RPS6KA2: variants seen among roughly 807,000 people sequenced by gnomAD.
RPS6KA2 encodes the protein ribosomal protein S6 kinase A2, also known as ribosomal protein S6 kinase alpha-2.
RPS6KA2 carries 42 observed loss-of-function variants against 91.8 expected under a neutral mutation model. The ratio of observed to expected loss-of-function variants is 0.46; its 90% CI spans 0.36 to 0.59. The LOEUF is 0.59. RPS6KA2 is among the 20% of genes least tolerant of loss of function. RPS6KA2 has a pLI of 0.00. For synonymous variants in RPS6KA2, 414 were observed against 393.6 expected (o/e 1.05, Z -0.61); for missense variants, 798 against 978.5 (o/e 0.82, Z 2.46).
At chr6:166,824,673 GTC>G (rs1779990915) in intron 2 of RPS6KA2, among the ~76,000 whole-genome samples, 2 of 143,896 alleles carry the variant, frequency 1.4e-5, no homozygotes, top group Non-Finnish European at 3.1e-5. Context: ...CTATGTGTGT[GTC>G]TGTGTGTCTA....
intron 2 of RPS6KA2, among the ~76,000 whole-genome samples, chr6:166,789,321 G>C (rs534643812): frequency 6.6e-6 from 1 of 152,240 alleles, no homozygotes; most frequent in Admixed American, 6.5e-5. Flanking sequence ...AGGGGCGCCC[G>C]CCATTGCCCA....
chr6:166,501,432 G>A (rs1782022470), intron 6 of RPS6KA2, among the ~76,000 whole-genome samples: 1 of 152,200 alleles, frequency 6.6e-6, no homozygotes, highest in Non-Finnish European at 1.5e-5. Flanking sequence ...GCACAAGCGG[G>A]GGCCAAGGCA....
intron 16 of RPS6KA2, among the ~76,000 whole-genome samples, chr6:166,427,453 G>A (rs1583118263): frequency 6.6e-6 from 1 of 151,666 alleles, no homozygotes; most frequent in Non-Finnish European, 1.5e-5. Context: ...TCTGGCCAGG[G>A]CAATTAGGCA....
At chr6:166,580,545 C>T (rs767456394) in intron 1 of RPS6KA2, among the ~76,000 whole-genome samples, 5 of 152,132 alleles carry the variant, frequency 3.3e-5, no homozygotes, top group African/African-American at 1.2e-4. Flanking sequence ...TTGTGTTGGG[C>T]GACATTCAAA....
At chr6:166,796,828 G>A (rs891222960) in intron 2 of RPS6KA2, among the ~76,000 whole-genome samples, 2 of 151,620 alleles carry the variant, frequency 1.3e-5, no homozygotes, top group Non-Finnish European at 2.9e-5. Flanking sequence ...GTGCACGCAC[G>A]TGGCACAGTC....
intron 14 of RPS6KA2, among the ~76,000 whole-genome samples, chr6:166,447,084 T>C (rs1198062797): frequency 6.6e-6 from 1 of 152,152 alleles, no homozygotes; most frequent in Non-Finnish European, 1.5e-5. Context: ...ACTCTCCCAA[T>C]GGGATGGAGG....
At chr6:166,476,178 G>A (rs1780967622) in intron 10 of RPS6KA2, among the ~76,000 whole-genome samples, 3 of 152,338 alleles carry the variant, frequency 2.0e-5, no homozygotes, top group African/African-American at 7.2e-5. Flanking sequence ...GGAGGTCAGG[G>A]TGTGGCATTC....
At chr6:166,766,927 G>A (rs1017447489) in intron 2 of RPS6KA2, among the ~76,000 whole-genome samples, 4 of 152,218 alleles carry the variant, frequency 2.6e-5, no homozygotes, top group Admixed American at 6.5e-5. Context: ...ACCCAGCTGC[G>A]TGGCCCTGTG....
At chr6:166,806,348 A>T (rs1483473254) in intron 2 of RPS6KA2, among the ~76,000 whole-genome samples, 1 of 152,242 alleles carries the variant, frequency 6.6e-6, no homozygotes, top group Non-Finnish European at 1.5e-5. Context: ...TTGAACAACA[A>T]AGGCAAAGAG....
At chr6:166,756,665 T>C (rs894953973) in intron 2 of RPS6KA2, among the ~76,000 whole-genome samples, 2 of 152,042 alleles carry the variant, frequency 1.3e-5, no homozygotes, top group African/African-American at 2.4e-5. Flanking sequence ...CTGACCAACA[T>C]GGAGAAACCC....
At chr6:166,659,082 G>A (rs181403914) in intron 2 of RPS6KA2, among the ~76,000 whole-genome samples, 2 of 152,242 alleles carry the variant, frequency 1.3e-5, no homozygotes, top group Admixed American at 1.3e-4. Flanking sequence ...CTTTTGTGGC[G>A]CTTACATGGG....
intron 2 of RPS6KA2, among the ~76,000 whole-genome samples, chr6:166,727,553 G>A (rs921661328): frequency 6.6e-6 from 1 of 151,856 alleles, no homozygotes; most frequent in Non-Finnish European, 1.5e-5. Flanking sequence ...AATCCTCAGG[G>A]ACGGCACCCA....
intron 10 of RPS6KA2, among the ~76,000 whole-genome samples, chr6:166,482,726 G>A (rs1198539066): frequency 6.6e-6 from 1 of 152,156 alleles, no homozygotes; most frequent in Non-Finnish European, 1.5e-5. Context: ...GAAGTGGAAA[G>A]GTTTCATGAA....
At position 166,727,595 on chromosome 6, in the gene RPS6KA2, A is replaced by G. The variant is rs543423951; in HGVS notation, c.123+130605T>C. The stretch of plus-strand genomic sequence containing the variant: ...CCAGCCCCCTAAGGTACAGCACCCT[A>G]AGCACCGGCACTCTAATGTACCAGC... On this transcript the variant is annotated intron_variant, in intron 2 of 21. Coordinates refer to the RPS6KA2 transcript ENST00000503859. Among the ~76,000 whole-genome samples, 202 of 152,106 alleles carry G rather than the reference A, an allele frequency of 1.3e-3. 1 individual carries two copies. The highest frequency in any genetic ancestry group is 4.7e-3 in the African/African-American group (194 of 41,484).
intron 5 of RPS6KA2, among the ~76,000 whole-genome samples, chr6:166,507,588 C>T (rs901120368): frequency 1.3e-4 from 19 of 150,704 alleles, no homozygotes; most frequent in African/African-American, 4.6e-4. Flanking sequence ...TACACACACC[C>T]TGCATATGCA....
chr6:166,550,338 A>G (rs1339279790), intron 1 of RPS6KA2, among the ~76,000 whole-genome samples: 3 of 152,254 alleles, frequency 2.0e-5, no homozygotes, highest in Non-Finnish European at 2.9e-5. Context: ...GAGTTTTCAA[A>G]AGCAAATAAG....
At position 166,498,765 on chromosome 6, in the gene RPS6KA2, A is replaced by G. The variant is rs547290825; in HGVS notation, c.605-115T>C. 139 of 1,339,432 alleles carry G rather than the reference A, an allele frequency of 1.0e-4. No individual in the cohort carries two copies. The African/African-American group carries it at 1.9e-3, about 18-fold the overall frequency. The allele number at this position is 1,339,432 out of a possible 1,614,324, so 83.0% of individuals were successfully genotyped here. Reference sequence around the variant, plus strand: ...CTCTGCCCCCTCTCCAGGTGGGCGCAGCAGAGCCCTGCTCAGCAAAAGCGG... The same window carrying G: ...CTCTGCCCCCTCTCCAGGTGGGCGCGGCAGAGCCCTGCTCAGCAAAAGCGG... On this transcript the variant is annotated intron_variant, in intron 7 of 20. Coordinates refer to ENST00000265678, the MANE Select transcript of RPS6KA2 (RefSeq NM_021135.6).
Position 166,651,078 on chromosome 6 carries a change from C to T in RPS6KA2, c.124-112294G>A, listed in dbSNP as rs965282658. Among the ~76,000 whole-genome samples the T allele has an allele frequency of 1.2e-4, 18 of 152,192 alleles. No homozygotes were observed. The East Asian group carries it at 1.9e-3, about 16-fold the overall frequency. ...TGTCCAGCTGTGGAAGCCAGGCTGT[C>T]AATCCGAAAATGTCAGCGCCTTGCT... On this transcript the variant is annotated intron_variant, in intron 2 of 21. Coordinates refer to the RPS6KA2 transcript ENST00000503859.
intron 2 of RPS6KA2, among the ~76,000 whole-genome samples, chr6:166,780,125 A>G (rs1259089504): frequency 1.3e-5 from 2 of 152,220 alleles, no homozygotes; most frequent in Non-Finnish European, 2.9e-5. Context: ...GCAAGCAATG[A>G]GTAGCGTCAC....
Sources: allele counts gnomAD v4.1 joint callset (sites outside exome capture counted in the v4.1 genomes callset), GRCh38; gene constraint gnomAD v4.1.1; transcripts MANE v1.5; gene names NCBI Gene and HGNC (gene_info 2026-07-23, HGNC 2026-07-21).